Variants in COL5A1 observed in about 807,000 individuals in gnomAD.
COL5A1 encodes collagen type V alpha 1 chain.
COL5A1 carries 16 observed loss-of-function variants against 263.7 expected under a neutral mutation model. The ratio of observed to expected loss-of-function variants is 0.06; its 90% CI spans 0.04 to 0.09. The LOEUF is 0.09. Among genes scored for constraint, COL5A1 ranks in the 10% least tolerant of loss-of-function variants. COL5A1 has a pLI of 1.00. For missense variants in COL5A1, 2,036 were observed against 2,540.5 expected (o/e 0.80, Z 4.27); for synonymous variants, 1,012 against 1,004.5 (o/e 1.01, Z -0.14).
chr9:134,699,437 CCT>C (rs1386123897), intron 2 of COL5A1, among the ~76,000 whole-genome samples: 1 of 152,056 alleles, frequency 6.6e-6, no homozygotes, highest in African/African-American at 2.4e-5. Context: ...CTTCTCCCTT[CCT>C]CTCTCTGCTT....
chr9:134,769,736 G>T (rs1188813622), intron 25 of COL5A1, among the ~76,000 whole-genome samples: 1 of 151,800 alleles, frequency 6.6e-6, no homozygotes, highest in Non-Finnish European at 1.5e-5. Context: ...AGGAAGGGGG[G>T]CCTGGGTGTG....
At chr9:134,835,974 T>A (rs1839840317) in intron 65 of COL5A1, among the ~76,000 whole-genome samples, 1 of 152,176 alleles carries the variant, frequency 6.6e-6, no homozygotes, top group African/African-American at 2.4e-5. Flanking sequence ...GTCCCCCTCG[T>A]GTGGCCTTTT....
intron 65 of COL5A1, among the ~76,000 whole-genome samples, chr9:134,839,640 A>G (rs564756805): frequency 4.6e-5 from 7 of 152,302 alleles, no homozygotes; most frequent in East Asian, 1.9e-4. Flanking sequence ...GCCAGGCCCA[A>G]CCATCTCACT....
intron 1 of COL5A1, among the ~76,000 whole-genome samples, chr9:134,658,460 C>T (rs1240351417): frequency 6.6e-6 from 1 of 152,174 alleles, no homozygotes; most frequent in East Asian, 1.9e-4. Flanking sequence ...CCCGCCCCTG[C>T]ACGTCCCCCC....
At chr9:134,671,532 C>G (rs1262703030) in intron 1 of COL5A1, among the ~76,000 whole-genome samples, 1 of 152,322 alleles carries the variant, frequency 6.6e-6, no homozygotes, top group South Asian at 2.1e-4. Flanking sequence ...TGTTCCTTTA[C>G]TTGCATCAAA....
At chr9:134,733,640 G>C (rs1438583716) in intron 9 of COL5A1, among the ~76,000 whole-genome samples, 1 of 152,220 alleles carries the variant, frequency 6.6e-6, no homozygotes, top group Non-Finnish European at 1.5e-5. Context: ...TCAGAGCCAG[G>C]CCTGGGCTCA....
chr9:134,836,691 C>G (rs1022910994), intron 65 of COL5A1, among the ~76,000 whole-genome samples: 3 of 152,248 alleles, frequency 2.0e-5, no homozygotes, highest in Non-Finnish European at 4.4e-5. Context: ...CTCCCCCTGC[C>G]CAGCATCGCT....
chr9:134,813,907 G>A, intron 48 of COL5A1, 76 bp from the exon 49 acceptor site: 5 of 1,507,882 alleles, frequency 3.3e-6, no homozygotes, highest in Non-Finnish European at 4.5e-6. Flanking sequence ...GCAGGATTTG[G>A]CAAATGCTTG....
At chr9:134,721,111 C>T (rs1834435902) in intron 4 of COL5A1, among the ~76,000 whole-genome samples, 1 of 152,110 alleles carries the variant, frequency 6.6e-6, no homozygotes, top group Non-Finnish European at 1.5e-5. Context: ...TCACCCTGGA[C>T]CCATCACATC....
At chr9:134,807,918 G>A (rs904698427) in intron 42 of COL5A1, among the ~76,000 whole-genome samples, 1 of 152,086 alleles carries the variant, frequency 6.6e-6, no homozygotes, top group African/African-American at 2.4e-5. Flanking sequence ...TGCAAGAGTT[G>A]CTCTATCCAG....
intron 1 of COL5A1, among the ~76,000 whole-genome samples, chr9:134,671,541 A>C (rs1484961860): frequency 1.3e-5 from 2 of 152,194 alleles, no homozygotes; most frequent in African/African-American, 4.8e-5. Flanking sequence ...ACTTGCATCA[A>C]AGAACTGAAT....
rs149920501 is a variant in COL5A1 at position 134,742,238 on chromosome 9, G to A, written c.1494+3430G>A. Among the ~76,000 whole-genome samples, 4 of 152,292 alleles carry A rather than the reference G, an allele frequency of 2.6e-5. No individual in the cohort carries two copies. Among genetic ancestry groups the A allele is most frequent in the Admixed American group, 2.0e-4 (3 of 15,306 alleles). On this transcript the variant is annotated intron_variant, in intron 11 of 65. Coordinates refer to ENST00000371817, the MANE Select transcript of COL5A1 (RefSeq NM_000093.5). This position sits in a 1 kb window ranked among gnomAD's most constrained non-coding sequence, Gnocchi z 4.6. ...AATCCTTTCTTGCTCTTGTGCCCAC[G>A]GCTGCCCGCAGGGAGCAGAGTGCAA...
At chr9:134,810,534 C>G in intron 44 of COL5A1, 1 of 558,650 alleles carries the variant, frequency 1.8e-6, no homozygotes. Flanking sequence ...AAGCATCCAC[C>G]GGTTTTGCGA....
At chr9:134,833,570 G>GA (rs1221816584) in intron 64 of COL5A1, among the ~76,000 whole-genome samples, 1 of 152,018 alleles carries the variant, frequency 6.6e-6, no homozygotes, top group Non-Finnish European at 1.5e-5. Flanking sequence ...GGAAGGGGAG[G>GA]AGTGGTCTTT....
intron 26 of COL5A1, among the ~76,000 whole-genome samples, chr9:134,774,064 T>G (rs1356554085): frequency 6.6e-6 from 1 of 152,232 alleles, no homozygotes; most frequent in Non-Finnish European, 1.5e-5. Context: ...TGGTTGGCAC[T>G]TGGAGCCCAC....
chr9:134,731,307 G>A (rs950182009), intron 7 of COL5A1, among the ~76,000 whole-genome samples, 189 bp from the exon 8 acceptor site: 3 of 152,204 alleles, frequency 2.0e-5, no homozygotes, highest in African/African-American at 4.8e-5. Flanking sequence ...GGAGCCCTCA[G>A]AGGAGGTCTC....
chr9:134,801,933 G>A (rs1443115340), intron 37 of COL5A1, 21 bp from the exon 38 acceptor site: 2 of 1,612,788 alleles, frequency 1.2e-6, no homozygotes, highest in Non-Finnish European at 1.7e-6. Context: ...CACCGTCAGT[G>A]CAGTGACTCT....
chr9:134,794,962 G>C lies in COL5A1; in HGVS notation c.2701-120G>C. 9.1e-7 allele frequency: 1 copy of C among 1,095,846 alleles called. No individual in the cohort carries two copies. The highest frequency in any genetic ancestry group is 2.5e-5 in the East Asian group (1 of 40,284). The allele number at this position is 1,095,846 out of a possible 1,614,324, so 67.9% of individuals were successfully genotyped here. ...CACGGAAAAGGTGGGTGGCGGGGAG[G>C]CCCAGGTTCCTCCTATCCTGCTCTG... On this transcript the variant is annotated intron_variant, in intron 32 of 65. Coordinates refer to ENST00000371817, the MANE Select transcript of COL5A1 (RefSeq NM_000093.5). This position sits in a 1 kb window ranked among gnomAD's most constrained non-coding sequence, Gnocchi z 4.3.
chr9:134,741,068 A>T lies in COL5A1; in HGVS notation c.1494+2260A>T, dbSNP rs1835284393. On this transcript the variant is annotated intron_variant, in intron 11 of 65. Transcript: ENST00000371817. The surrounding 1 kb of genome is among the most constrained non-coding windows in gnomAD (Gnocchi z 4.5). ...TCCGGCCAGCCTTGTTCAGGAAGCC[A>T]TCCCTGCTCACCGCTCAGCGCCCTC... Among the ~76,000 whole-genome samples the T allele has an allele frequency of 6.6e-6, 1 of 152,192 alleles. No individual in the cohort carries two copies. Among genetic ancestry groups the T allele is most frequent in the South Asian group, 2.1e-4 (1 of 4,826 alleles).
Sources: allele counts gnomAD v4.1 joint callset (sites outside exome capture counted in the v4.1 genomes callset), GRCh38; gene constraint gnomAD v4.1.1; non-coding constraint Gnocchi (gnomAD v3.1); transcripts MANE v1.5; gene names NCBI Gene and HGNC (gene_info 2026-07-23, HGNC 2026-07-21).